The following UHRF2 variants were observed in gnomAD, a reference collection of about 807,000 sequenced individuals.
UHRF2 encodes the protein E3 ubiquitin-protein ligase UHRF2.
A neutral mutation model predicts 96.8 loss-of-function variants in UHRF2; 23 were observed. That is an observed-to-expected ratio of 0.24 (90% CI 0.17 to 0.34). The LOEUF (loss-of-function observed/expected upper bound fraction) is 0.34, where lower values mean the gene tolerates loss of function less well. Ranked by LOEUF, UHRF2 falls within the 10% of genes least tolerant of loss-of-function variation. The pLI is 1.00. For missense variants in UHRF2, 685 were observed against 981.5 expected (o/e 0.70, Z 4.04); for synonymous variants, 385 against 332.6 (o/e 1.16, Z -1.72).
At chr9:6,413,950 T>G in intron 1 of UHRF2, 1 of 230,720 alleles carries the variant, frequency 4.3e-6, no homozygotes. Flanking sequence ...CCCAGGTCCC[T>G]CGCTTCCCGC....
intron 3 of UHRF2, among the ~76,000 whole-genome samples, chr9:6,445,984 T>TGTTTTTTTTG (rs58693786): frequency 4.7e-5 from 6 of 127,810 alleles, no homozygotes; most frequent in African/African-American, 1.8e-4. Context: ...CGCCACCCTT[T>TGTTTTTTTTG]TTTTTTTTTT....
chr9:6,505,934 C>T (rs1016580357), intron 15 of UHRF2, 99 bp from the exon 16 acceptor site: 3 of 1,252,836 alleles, frequency 2.4e-6, no homozygotes, highest in Non-Finnish European at 3.4e-6. Context: ...GTACATTTCT[C>T]TCATTACCAG....
At chr9:6,443,503 A>G (rs1458845939) in intron 3 of UHRF2, among the ~76,000 whole-genome samples, 3 of 152,232 alleles carry the variant, frequency 2.0e-5, no homozygotes, top group Middle Eastern at 3.2e-3. Flanking sequence ...CATGCTTTTA[A>G]AAAACTATTG....
intron 4 of UHRF2, among the ~76,000 whole-genome samples, chr9:6,472,983 G>A (rs1393400033): frequency 6.6e-6 from 1 of 152,202 alleles, no homozygotes; most frequent in Non-Finnish European, 1.5e-5. Context: ...GTATATTAAT[G>A]TGTATGTTTA....
chr9:6,486,496 T>A (rs1275699582), intron 8 of UHRF2, among the ~76,000 whole-genome samples: 1 of 152,206 alleles, frequency 6.6e-6, no homozygotes, highest in African/African-American at 2.4e-5. Flanking sequence ...TTTAGCTGAG[T>A]TGAGCTGGAA....
chr9:6,500,602 G>A lies in UHRF2; in HGVS notation c.2056G>A (p.Ala686Thr), dbSNP rs201903063. Residue 686 changes from alanine (A) to threonine (T), a missense_variant, in exon 14 of 16, where the codon GCA becomes ACA. By Grantham distance (58) the Ala-to-Thr change is moderately conservative. Coordinates refer to ENST00000276893, the MANE Select transcript of UHRF2 (RefSeq NM_152896.3). ...KVYKASDSAE[A>T]IEAFQLTPQQ... ...GTACAAAGCATCAGATTCAGCAGAA[G>A]CAATTGAGGCTTTTCAACTAACTCC... The A allele has an allele frequency of 2.5e-6, 4 of 1,613,598 alleles. No individual in the cohort carries two copies. Among genetic ancestry groups the A allele is most frequent in the Non-Finnish European group, 3.4e-6 (4 of 1,179,972 alleles).
At chr9:6,500,810 C>A in intron 14 of UHRF2, 101 bp downstream of exon 14, 1 of 1,151,730 alleles carries the variant, frequency 8.7e-7, no homozygotes, top group Non-Finnish European at 1.2e-6. Context: ...AAACTTCATC[C>A]TTCTACCCGG....
intron 3 of UHRF2, among the ~76,000 whole-genome samples, chr9:6,458,226 G>A (rs140892418): frequency 0.019 from 2,897 of 152,176 alleles, 87 homozygotes; most frequent in African/African-American, 0.064. Context: ...TCCTGGTTTC[G>A]TCTTGGGAGG....
At chr9:6,475,207 G>A (rs1350229241) in intron 4 of UHRF2, among the ~76,000 whole-genome samples, 184 bp from the exon 5 acceptor site, 2 of 152,102 alleles carry the variant, frequency 1.3e-5, no homozygotes, top group African/African-American at 2.4e-5. Flanking sequence ...CACTATGAAT[G>A]TTAACTAATC....
intron 9 of UHRF2, among the ~76,000 whole-genome samples, chr9:6,490,527 C>CTGAG (rs1824597346): frequency 6.6e-6 from 1 of 152,152 alleles, no homozygotes; most frequent in African/African-American, 2.4e-5. Flanking sequence ...ACTTGGGAGG[C>CTGAG]TGAGGCAGGA....
At chr9:6,445,283 T>G (rs111668214) in intron 3 of UHRF2, among the ~76,000 whole-genome samples, 3 of 151,840 alleles carry the variant, frequency 2.0e-5, no homozygotes, top group African/African-American at 4.9e-5. Flanking sequence ...ATTGATTGAT[T>G]GATGGAGTCT....
chr9:6,413,801 AG>A (rs1819429350), intron 1 of UHRF2, 158 bp downstream of exon 1: 5 of 951,240 alleles, frequency 5.3e-6, no homozygotes, highest in Non-Finnish European at 7.0e-6. Flanking sequence ...TGCGGGGCCC[AG>A]TCCCGCCGAA....
rs142039669 is a variant in UHRF2 at position 6,463,143 on chromosome 9, C to G, written c.863+2352C>G. Among the ~76,000 whole-genome samples, 269 of 151,944 alleles carry G rather than the reference C, an allele frequency of 1.8e-3. 2 individuals are homozygous for G. The highest frequency in any genetic ancestry group is 3.3e-3 in the Non-Finnish European group (224 of 67,956). The stretch of plus-strand genomic sequence containing the variant: ...TAAAAAATACAAAATTAGCTGGGTG[C>G]GGTGTTGCATGCCTGTAATCCCAGC... On this transcript the variant is annotated intron_variant, in intron 4 of 15. Coordinates refer to ENST00000276893, the MANE Select transcript of UHRF2 (RefSeq NM_152896.3).
At chr9:6,490,396 G>A (rs1174277407) in intron 9 of UHRF2, among the ~76,000 whole-genome samples, 1 of 152,202 alleles carries the variant, frequency 6.6e-6, no homozygotes, top group Non-Finnish European at 1.5e-5. Context: ...CGGAGTCCGA[G>A]GTGGGCTGAT....
intron 14 of UHRF2, chr9:6,504,269 C>A (rs1816466310): frequency 6.1e-6 from 1 of 163,424 alleles, no homozygotes; most frequent in Non-Finnish European, 1.3e-5. Flanking sequence ...TTGTGATCCG[C>A]CTGCCTCGGC....
At chr9:6,478,864 T>C (rs1321700774) in intron 6 of UHRF2, among the ~76,000 whole-genome samples, 1 of 152,164 alleles carries the variant, frequency 6.6e-6, no homozygotes, top group Non-Finnish European at 1.5e-5. Flanking sequence ...TACTACCTCA[T>C]ATGATCACAC....
At chr9:6,468,267 A>C in intron 4 of UHRF2, 1 of 359,262 alleles carries the variant, frequency 2.8e-6, no homozygotes, top group South Asian at 2.1e-5. Context: ...AAAATGGTAC[A>C]TAAGTGAAAA....
At chr9:6,437,325 C>A (rs1820910861) in intron 3 of UHRF2, among the ~76,000 whole-genome samples, 1 of 151,538 alleles carries the variant, frequency 6.6e-6, no homozygotes, top group Non-Finnish European at 1.5e-5. Flanking sequence ...CTCTGCCTTG[C>A]AGGTTCAAGC....
intron 2 of UHRF2, among the ~76,000 whole-genome samples, chr9:6,422,422 C>A (rs188859646): frequency 1.3e-5 from 2 of 152,050 alleles, no homozygotes; most frequent in East Asian, 1.9e-4. Flanking sequence ...CAATTTCTTT[C>A]CTCTTTCAGG....
Sources: gnomAD v4.1 joint callset for allele counts (sites outside exome capture counted in the v4.1 genomes callset) on GRCh38, gnomAD v4.1.1 for gene constraint, MANE v1.5 for transcripts, NCBI Gene and HGNC (gene_info 2026-07-23, HGNC 2026-07-21) for gene names.